SLC44A5: variants seen among roughly 807,000 people sequenced by gnomAD.
The protein encoded by SLC44A5 is choline transporter-like protein 5.
A neutral mutation model predicts 101.8 loss-of-function variants in SLC44A5; 57 were observed. The observed-to-expected ratio is 0.56, with a 90% CI of 0.45 to 0.70. SLC44A5 has a LOEUF of 0.70. Ranked by LOEUF, SLC44A5 falls within the 30% of genes least tolerant of loss-of-function variation. The pLI, the probability that SLC44A5 is intolerant of heterozygous loss-of-function variation, is 0.00. For synonymous variants in SLC44A5, 281 were observed against 290.9 expected, an observed-to-expected ratio of 0.97 and a Z score of 0.35; for missense variants, 737 against 853.1, an observed-to-expected ratio of 0.86 and a Z score of 1.70.
chr1:75,470,984 T>C (rs772415524), intron 2 of SLC44A5, among the ~76,000 whole-genome samples: 12 of 152,144 alleles, frequency 7.9e-5, no homozygotes, highest in Non-Finnish European at 1.8e-4. Flanking sequence ...TAAAGCATTT[T>C]GCAAGTATTT....
intron 1 of SLC44A5, chr1:75,582,300 C>G: frequency 6.6e-7 from 1 of 1,521,902 alleles, no homozygotes; most frequent in Non-Finnish European, 8.9e-7. Context: ...AGTGCACGTG[C>G]AAAGGCTATC....
intron 3 of SLC44A5, among the ~76,000 whole-genome samples, chr1:75,390,383 G>C (rs1027641652): frequency 7.1e-5 from 9 of 127,352 alleles, no homozygotes; most frequent in Admixed American, 1.7e-4. Flanking sequence ...CAATACCCTT[G>C]ATGAACTTAG....
chr1:75,687,796 C>G, the SLC44A5 span, among the ~76,000 whole-genome samples: 3 of 152,174 alleles, frequency 2.0e-5, no homozygotes, highest in African/African-American at 7.2e-5. Context: ...TTCTTGCAAT[C>G]GTGTCAAGAT....
At chr1:75,428,981 T>C (rs1429749763) in intron 2 of SLC44A5, among the ~76,000 whole-genome samples, 1 of 152,170 alleles carries the variant, frequency 6.6e-6, no homozygotes, top group Admixed American at 6.5e-5. Flanking sequence ...ACTAAATACA[T>C]TATTTTGCAT....
chr1:75,301,182 G>A (rs1386591399), intron 4 of SLC44A5, among the ~76,000 whole-genome samples: 1 of 151,944 alleles, frequency 6.6e-6, no homozygotes, highest in Non-Finnish European at 1.5e-5. Flanking sequence ...ACTATTCCAG[G>A]AACAAGGTAT....
intron 4 of SLC44A5, among the ~76,000 whole-genome samples, chr1:75,304,292 AGG>A (rs1654742045): frequency 1.5e-5 from 1 of 68,874 alleles, no homozygotes; most frequent in Admixed American, 1.6e-4. Context: ...ATTTTTAAAT[AGG>A]TGTGTGTGTG....
intron 6 of SLC44A5, among the ~76,000 whole-genome samples, chr1:75,268,208 G>A (rs935098693): frequency 6.6e-6 from 1 of 151,996 alleles, no homozygotes; most frequent in African/African-American, 2.4e-5. Flanking sequence ...CATGCCTCAG[G>A]ACCTTTGCAC....
the SLC44A5 span, among the ~76,000 whole-genome samples, chr1:75,661,460 G>A: frequency 7.0e-6 from 1 of 142,212 alleles, no homozygotes; most frequent in African/African-American, 2.6e-5. Context: ...AAAGATTTTT[G>A]GGGTAAGACT....
chr1:75,592,791 T>C (rs1034957525), intron 1 of SLC44A5, among the ~76,000 whole-genome samples: 1 of 152,084 alleles, frequency 6.6e-6, no homozygotes. Flanking sequence ...TGGATATCTA[T>C]ATACAGAAGA....
intron 1 of SLC44A5, among the ~76,000 whole-genome samples, chr1:75,599,359 C>T (rs773164950): frequency 1.1e-4 from 16 of 152,002 alleles, no homozygotes; most frequent in Admixed American, 5.2e-4. Context: ...TAACTGATAG[C>T]GCATCAACAG....
At chr1:75,477,167 A>C (rs1462157682) in intron 2 of SLC44A5, among the ~76,000 whole-genome samples, 1 of 152,140 alleles carries the variant, frequency 6.6e-6, no homozygotes, top group Non-Finnish European at 1.5e-5. Context: ...CCCCTAGCAA[A>C]CTCCAACAGG....
rs544326110 is a variant in SLC44A5 at position 75,267,797 on chromosome 1, C to G, written c.260+7161G>C. Reference sequence around the variant, plus strand: ...TGTTGCCCAGGCCAGTCTTGAACTTCTGGGCTCAAGTGATTGGCTCGCCTC... The same window carrying G: ...TGTTGCCCAGGCCAGTCTTGAACTTGTGGGCTCAAGTGATTGGCTCGCCTC... On this transcript the variant is annotated intron_variant, in intron 6 of 23. Coordinates refer to ENST00000370859, the MANE Select transcript of SLC44A5 (RefSeq NM_001130058.2). Among the ~76,000 whole-genome samples, 29 of 152,164 alleles carry G rather than the reference C, an allele frequency of 1.9e-4. No individual in the cohort carries two copies. The South Asian group carries it at 6.0e-3, about 32-fold the overall frequency.
intron 4 of SLC44A5, among the ~76,000 whole-genome samples, chr1:75,328,521 T>G (rs888767793): frequency 6.6e-6 from 1 of 152,154 alleles, no homozygotes; most frequent in African/African-American, 2.4e-5. Flanking sequence ...CTGGACACCA[T>G]GTATGGGCTA....
chr1:75,271,497 T>TTGTGCGTG (rs1553152609), intron 6 of SLC44A5, among the ~76,000 whole-genome samples: 8 of 146,304 alleles, frequency 5.5e-5, no homozygotes, highest in African/African-American at 2.0e-4. Context: ...TCTGCATGTT[T>TTGTGCGTG]TGTGTGTGTG....
At chr1:75,361,052 T>A (rs1487195706) in intron 3 of SLC44A5, among the ~76,000 whole-genome samples, 1 of 152,208 alleles carries the variant, frequency 6.6e-6, no homozygotes, top group African/African-American at 2.4e-5. Flanking sequence ...CCTAAGTATC[T>A]TATTTTTTGT....
chr1:75,525,984 A>G (rs1393467706), intron 2 of SLC44A5, among the ~76,000 whole-genome samples: 3 of 152,240 alleles, frequency 2.0e-5, no homozygotes, highest in South Asian at 2.1e-4. Flanking sequence ...AAATATCCAA[A>G]AAGGTACGTT....
chr1:75,558,116 CA>C (rs1282359132), intron 1 of SLC44A5, among the ~76,000 whole-genome samples: 2 of 152,044 alleles, frequency 1.3e-5, no homozygotes, highest in Admixed American at 1.3e-4. Flanking sequence ...ATTGGCACAA[CA>C]AATGTCCTTC....
intron 2 of SLC44A5, among the ~76,000 whole-genome samples, chr1:75,433,137 A>C (rs1474710945): frequency 6.6e-6 from 1 of 152,090 alleles, no homozygotes; most frequent in Non-Finnish European, 1.5e-5. Context: ...CTATATAACT[A>C]TCTCATGTCT....
chr1:75,607,908 T>A (rs1047317533), intron 1 of SLC44A5, among the ~76,000 whole-genome samples: 1 of 152,020 alleles, frequency 6.6e-6, no homozygotes, highest in African/African-American at 2.4e-5. Flanking sequence ...AACAAACTAA[T>A]ACAATATCCA....
Sources: allele counts gnomAD v4.1 joint callset (sites outside exome capture counted in the v4.1 genomes callset), GRCh38; gene constraint gnomAD v4.1.1; transcripts MANE v1.5; gene names NCBI Gene and HGNC (gene_info 2026-07-23, HGNC 2026-07-21).